SCEL: variants seen among roughly 807,000 people sequenced by gnomAD.
SCEL encodes sciellin.
Under a neutral mutation model 117.6 loss-of-function variants are expected in SCEL, and 113 were observed. The observed-to-expected ratio is 0.96, with a 90% CI of 0.83 to 1.12. The LOEUF is 1.12. Ranked by LOEUF, SCEL falls within the 50% of genes most tolerant of loss-of-function variation. The pLI is 0.00. For missense variants in SCEL, 785 were observed against 810.8 expected (o/e 0.97, Z 0.39); for synonymous variants, 270 against 256.2 (o/e 1.05, Z -0.51).
chr13:77,625,466 A>C (rs559028235), intron 27 of SCEL, among the ~76,000 whole-genome samples: 1 of 152,242 alleles, frequency 6.6e-6, no homozygotes, highest in Non-Finnish European at 1.5e-5. Context: ...TTTGAATTTT[A>C]CATCATTTGG....
intron 4 of SCEL, among the ~76,000 whole-genome samples, chr13:77,560,164 C>G (rs2084895840): frequency 6.6e-6 from 1 of 151,620 alleles, no homozygotes; most frequent in Non-Finnish European, 1.5e-5. Flanking sequence ...GGTGCCATGG[C>G]TCATACCTGT....
At chr13:77,640,295 A>C (rs916955269) in intron 30 of SCEL, among the ~76,000 whole-genome samples, 1 of 152,084 alleles carries the variant, frequency 6.6e-6, no homozygotes. Context: ...CTGCAGCATA[A>C]TTTTTCCGTG....
rs2090168503 is a variant in SCEL at position 77,634,276 on chromosome 13, G to A, written c.1692-103G>A. 4.2e-6 allele frequency: 4 copies of A among 954,250 alleles called. No homozygotes were observed. In the East Asian group the frequency reaches 1.0e-4, roughly 25 times the overall value. 59.1% of individuals were successfully genotyped at this position (954,250 alleles called of 1,614,324 possible). On this transcript the variant is annotated intron_variant, in intron 28 of 32. Coordinates refer to ENST00000349847, the MANE Select transcript of SCEL (RefSeq NM_144777.3). ...ATGTTTCAAAGTTATAGTTCAGAAGGAACATATATTCATTACATTTTGCAT... is the reference window on the plus strand; with the variant it reads ...ATGTTTCAAAGTTATAGTTCAGAAGAAACATATATTCATTACATTTTGCAT...
chr13:77,596,492 G>A (rs770862860), intron 12 of SCEL, among the ~76,000 whole-genome samples: 2 of 151,946 alleles, frequency 1.3e-5, no homozygotes, highest in Non-Finnish European at 2.9e-5. Context: ...TTCTGAGGTG[G>A]GTATGATTAG....
At chr13:77,566,372 T>C (rs1346179942) in intron 5 of SCEL, among the ~76,000 whole-genome samples, 1 of 152,000 alleles carries the variant, frequency 6.6e-6, no homozygotes, top group East Asian at 1.9e-4. Context: ...AGAAAAAACA[T>C]ATCAAATGAC....
chr13:77,580,113 T>C (rs575364737), intron 9 of SCEL, among the ~76,000 whole-genome samples: 1 of 152,324 alleles, frequency 6.6e-6, no homozygotes, highest in East Asian at 1.9e-4. Context: ...TTTTAGAATA[T>C]CATGTTTCTA....
chr13:77,591,494 T>C lies in SCEL; in HGVS notation c.692+34T>C, dbSNP rs771505883. 1.3e-5 allele frequency: 15 copies of C among 1,179,100 alleles called. No homozygotes were observed. The East Asian group carries it at 2.1e-4, about 17-fold the overall frequency. The allele number at this position is 1,179,100 out of a possible 1,614,324, so 73.0% of individuals were successfully genotyped here. ...ATTTCTATTTATATCTATGTAACTG[T>C]AGTAATGATAAAGTATGCTTTCTCA... On this transcript the variant is annotated intron_variant, in intron 11 of 32. Coordinates refer to ENST00000349847, the MANE Select transcript of SCEL (RefSeq NM_144777.3).
chr13:77,633,730 T>A (rs1209679955), intron 28 of SCEL, among the ~76,000 whole-genome samples: 1 of 152,224 alleles, frequency 6.6e-6, no homozygotes, highest in Non-Finnish European at 1.5e-5. Context: ...ATTCTCCCTT[T>A]GTTTATAAAA....
chr13:77,590,815 C>T (rs1053221998), intron 10 of SCEL, among the ~76,000 whole-genome samples: 1 of 151,880 alleles, frequency 6.6e-6, no homozygotes, highest in African/African-American at 2.4e-5. Flanking sequence ...TTCTTGAGAA[C>T]AAGTAGGAAT....
intron 10 of SCEL, among the ~76,000 whole-genome samples, chr13:77,589,590 T>A (rs2086756693): frequency 6.6e-6 from 1 of 152,184 alleles, no homozygotes; most frequent in African/African-American, 2.4e-5. Context: ...ATTAAAAATG[T>A]ATTTTTTGTT....
At chr13:77,628,188 ATATC>A (rs1184387371) in intron 28 of SCEL, among the ~76,000 whole-genome samples, 179 bp downstream of exon 28, 1 of 149,238 alleles carries the variant, frequency 6.7e-6, no homozygotes, top group African/African-American at 2.4e-5. Flanking sequence ...ATATATATAT[ATATC>A]ATCCAAATAC....
chr13:77,547,878 G>A (rs2084082578), intron 1 of SCEL, among the ~76,000 whole-genome samples: 1 of 152,084 alleles, frequency 6.6e-6, no homozygotes. Flanking sequence ...CACCCCCACT[G>A]GCTTCATCCC....
chr13:77,608,995 CA>C, intron 20 of SCEL, 62 bp from the exon 21 acceptor site: 1 of 1,318,840 alleles, frequency 7.6e-7, no homozygotes, highest in Non-Finnish European at 1.1e-6. Flanking sequence ...TCCTTTAAAT[CA>C]AAACAGTCAA....
Position 77,569,394 on chromosome 13 carries a change from C to T in SCEL, c.422C>T (p.Ala141Val). 1.9e-6 allele frequency: 3 copies of T among 1,613,736 alleles called. No homozygotes were observed. The highest frequency in any genetic ancestry group is 1.7e-6 in the Non-Finnish European group (2 of 1,179,688). ...TKLQPGGSLN[A>V]NTSNTIASTS... ...AGGCAACCTGGCGGTTCATTGAATG[C>T]CAACACCTCCAACACCATAGCATCC... The change falls in exon 8 of 33, where the codon GCC becomes GTC. Residue 141 changes from alanine (A) to valine (V), a missense_variant. Coordinates refer to ENST00000349847, the MANE Select transcript of SCEL (RefSeq NM_144777.3).
intron 29 of SCEL, among the ~76,000 whole-genome samples, chr13:77,634,927 G>A (rs1371346534): frequency 6.6e-6 from 1 of 152,100 alleles, no homozygotes; most frequent in African/African-American, 2.4e-5. Flanking sequence ...TTGGAGTGAT[G>A]GATATTGAGG....
At chr13:77,556,561 T>C in intron 2 of SCEL, 35 bp from the exon 3 acceptor site, 21 of 1,566,148 alleles carry the variant, frequency 1.3e-5, no homozygotes, top group Non-Finnish European at 1.7e-5. Context: ...CTCCACACTA[T>C]TACATCTTCC....
At chr13:77,550,082 G>A (rs1436425270) in intron 1 of SCEL, among the ~76,000 whole-genome samples, 1 of 150,566 alleles carries the variant, frequency 6.6e-6, no homozygotes, top group Non-Finnish European at 1.5e-5. Flanking sequence ...AAAATTCAGT[G>A]CTTTTTAAAA....
intron 9 of SCEL, among the ~76,000 whole-genome samples, chr13:77,574,916 C>A (rs569744041): frequency 6.6e-6 from 1 of 152,072 alleles, no homozygotes; most frequent in South Asian, 2.1e-4. Flanking sequence ...AGACTGACAC[C>A]CTCACTTTTT....
intron 5 of SCEL, among the ~76,000 whole-genome samples, chr13:77,564,153 A>G (rs1474804855): frequency 6.7e-6 from 1 of 149,812 alleles, no homozygotes; most frequent in Non-Finnish European, 1.5e-5. Flanking sequence ...GAGTACAGCT[A>G]GGGTGGGTAC....
Sources: allele counts gnomAD v4.1 joint callset (sites outside exome capture counted in the v4.1 genomes callset), GRCh38; gene constraint gnomAD v4.1.1; transcripts MANE v1.5; gene names NCBI Gene and HGNC (gene_info 2026-07-23, HGNC 2026-07-21).